Variants in SEMA3D observed in about 807,000 individuals in gnomAD.
The protein encoded by SEMA3D is semaphorin 3D, also known as semaphorin-3D.
Under a neutral mutation model 100.1 loss-of-function variants are expected in SEMA3D, and 84 were observed. The ratio of observed to expected loss-of-function variants is 0.84; its 90% CI spans 0.70 to 1.01. The LOEUF (loss-of-function observed/expected upper bound fraction) is 1.01, where lower values mean the gene tolerates loss of function less well. Ranked by LOEUF, SEMA3D falls within the 50% of genes least tolerant of loss-of-function variation. SEMA3D has a pLI of 0.00. For synonymous variants in SEMA3D, 312 were observed against 320.7 expected (o/e 0.97, Z 0.29); for missense variants, 875 against 934.1 (o/e 0.94, Z 0.82).
At chr7:85,121,704 T>C in intron 3 of SEMA3D, 37 bp downstream of exon 3, 1 of 1,174,136 alleles carries the variant, frequency 8.5e-7, no homozygotes. Flanking sequence ...CATTTCAAAA[T>C]CTTAATAAAC....
chr7:85,204,062 A>G, the SEMA3D span, among the ~76,000 whole-genome samples: 3 of 152,114 alleles, frequency 2.0e-5, no homozygotes, highest in Admixed American at 6.5e-5. Flanking sequence ...TTAAAATGTG[A>G]AAGCAGATTT....
chr7:85,028,321 TG>T (rs1468071906), intron 12 of SEMA3D: 2 of 697,178 alleles, frequency 2.9e-6, no homozygotes, highest in Non-Finnish European at 5.2e-6. Flanking sequence ...GAACTATTGC[TG>T]GTCTCAATGT....
intron 16 of SEMA3D, among the ~76,000 whole-genome samples, chr7:85,013,963 TC>T (rs1790028099): frequency 6.6e-6 from 1 of 151,782 alleles, no homozygotes. Context: ...ATGAGCAAGT[TC>T]TTGGCCAAAA....
At position 85,140,100 on chromosome 7, in the gene SEMA3D, GACT is replaced by G. The variant is rs527305116; in HGVS notation, c.-41+13505_-41+13507del. 3.2e-4 allele frequency: 115 copies of G among 354,932 alleles called. No individual in the cohort carries two copies. The East Asian group carries it at 5.9e-3, about 18-fold the overall frequency. The allele number at this position is 354,932 out of a possible 1,614,324, so 22.0% of individuals were successfully genotyped here. A position where few individuals can be genotyped will look rare whatever the true frequency, so the allele number is the denominator to read the frequency against. ...AATATATTAACAATATATTACTGCA[GACT>G]ACTATTATCATATAATTTTCAAAAT... On this transcript the variant is annotated intron_variant, in intron 2 of 18. Coordinates refer to ENST00000284136, the MANE Select transcript of SEMA3D (RefSeq NM_001384900.1).
chr7:85,112,139 C>G (rs892371179), intron 3 of SEMA3D, among the ~76,000 whole-genome samples: 1 of 152,068 alleles, frequency 6.6e-6, no homozygotes, highest in Non-Finnish European at 1.5e-5. Context: ...TGTATCAAAA[C>G]AAATCAATAC....
chr7:85,242,389 T>C, the SEMA3D span, among the ~76,000 whole-genome samples: 3 of 152,230 alleles, frequency 2.0e-5, no homozygotes, highest in Non-Finnish European at 2.9e-5. Flanking sequence ...CTTACTTCTA[T>C]ACATTTTTTA....
chr7:85,157,426 T>A (rs1016241318), intron 1 of SEMA3D, among the ~76,000 whole-genome samples: 4 of 152,174 alleles, frequency 2.6e-5, no homozygotes, highest in African/African-American at 9.7e-5. Context: ...AGTTGACAAT[T>A]TGGTATGCTT....
intron 12 of SEMA3D, among the ~76,000 whole-genome samples, chr7:85,036,674 T>TA (rs1477033863): frequency 2.0e-5 from 3 of 152,136 alleles, no homozygotes; most frequent in African/African-American, 7.2e-5. Flanking sequence ...TCCCCGTGGT[T>TA]AGATACTTAT....
At chr7:85,016,787 C>CTTTT (rs35691304) in intron 15 of SEMA3D, among the ~76,000 whole-genome samples, 48 of 132,370 alleles carry the variant, frequency 3.6e-4, no homozygotes, top group African/African-American at 1.2e-3. Flanking sequence ...TTTTCAATGG[C>CTTTT]TTTTTTTTTT....
At chr7:85,078,911 C>A (rs769397870) in intron 5 of SEMA3D, among the ~76,000 whole-genome samples, 37 of 152,160 alleles carry the variant, frequency 2.4e-4, no homozygotes, top group Non-Finnish European at 4.6e-4. Context: ...AACCACAGAG[C>A]TGTCTCAGTT....
At chr7:85,080,366 G>A (rs989313170) in intron 5 of SEMA3D, among the ~76,000 whole-genome samples, 10 of 152,166 alleles carry the variant, frequency 6.6e-5, no homozygotes, top group South Asian at 4.1e-4. Context: ...CCTTCTGAGC[G>A]TCCCCTCACA....
chr7:85,211,543 A>G, the SEMA3D span, among the ~76,000 whole-genome samples: 1 of 152,140 alleles, frequency 6.6e-6, no homozygotes, highest in South Asian at 2.1e-4. Context: ...TCTATAGCAA[A>G]ATGCAAACTA....
chr7:85,017,991 C>T (rs1184281280), intron 15 of SEMA3D, among the ~76,000 whole-genome samples: 2 of 151,662 alleles, frequency 1.3e-5, no homozygotes, highest in Non-Finnish European at 3.0e-5. Context: ...GAATGACATT[C>T]TCATGAGACT....
At chr7:85,053,426 A>T (rs1006103434) in intron 9 of SEMA3D, among the ~76,000 whole-genome samples, 2 of 152,042 alleles carry the variant, frequency 1.3e-5, no homozygotes, top group Non-Finnish European at 1.5e-5. Context: ...ATAAGTTTCA[A>T]ATAATGTCAA....
intron 17 of SEMA3D, among the ~76,000 whole-genome samples, chr7:85,012,010 G>C (rs925038429): frequency 6.6e-6 from 1 of 151,632 alleles, no homozygotes; most frequent in African/African-American, 2.4e-5. Context: ...CAGAGCTTGA[G>C]AGTGTAAAGT....
chr7:85,233,345 A>G, the SEMA3D span, among the ~76,000 whole-genome samples: 6 of 152,256 alleles, frequency 3.9e-5, no homozygotes, highest in African/African-American at 1.4e-4. Flanking sequence ...AGTACCCTCA[A>G]ATGAAACTGG....
intron 8 of SEMA3D, among the ~76,000 whole-genome samples, 187 bp from the exon 9 acceptor site, chr7:85,056,046 A>G (rs1224192046): frequency 6.6e-6 from 1 of 152,066 alleles, no homozygotes; most frequent in Non-Finnish European, 1.5e-5. Flanking sequence ...ATCAGCATAA[A>G]GAGGTACTGA....
chr7:85,109,000 G>A (rs936033576), intron 3 of SEMA3D, among the ~76,000 whole-genome samples: 1 of 151,110 alleles, frequency 6.6e-6, no homozygotes, highest in South Asian at 2.1e-4. Flanking sequence ...TATCTTTGCT[G>A]TTATCTGTGG....
chr7:85,016,933 T>C (rs1790121122), intron 15 of SEMA3D, among the ~76,000 whole-genome samples: 1 of 151,530 alleles, frequency 6.6e-6, no homozygotes, highest in African/African-American at 2.4e-5. Context: ...CTTTCATTGT[T>C]TTTAAGATAT....
Sources: gnomAD v4.1 joint callset for allele counts (sites outside exome capture counted in the v4.1 genomes callset) on GRCh38, gnomAD v4.1.1 for gene constraint, MANE v1.5 for transcripts, NCBI Gene and HGNC (gene_info 2026-07-23, HGNC 2026-07-21) for gene names.